LRP1B: variants seen among roughly 807,000 people sequenced by gnomAD.
The protein encoded by LRP1B is LDL receptor related protein 1B.
Under a neutral mutation model 556.6 loss-of-function variants are expected in LRP1B, and 217 were observed. That is an observed-to-expected ratio of 0.39 (90% CI 0.35 to 0.44). The LOEUF is 0.44. Ranked by LOEUF, LRP1B falls within the 20% of genes least tolerant of loss-of-function variation. LRP1B has a pLI of 1.00. For missense variants in LRP1B, 5,053 were observed against 5,620.8 expected (o/e 0.90, Z 3.23); for synonymous variants, 2,047 against 1,865.8 (o/e 1.10, Z -2.50).
At chr2:140,652,232 T>C (rs769134289) in intron 41 of LRP1B, among the ~76,000 whole-genome samples, 2 of 151,986 alleles carry the variant, frequency 1.3e-5, no homozygotes, top group Non-Finnish European at 2.9e-5. Flanking sequence ...TTTTCAAATA[T>C]TGAATTCTTG....
intron 83 of LRP1B, among the ~76,000 whole-genome samples, chr2:140,300,075 T>C (rs919234042): frequency 8.5e-5 from 13 of 152,090 alleles, no homozygotes; most frequent in African/African-American, 2.9e-4. Context: ...ACACTGAGCT[T>C]TCATGGTTTT....
rs186922226 is a variant in LRP1B, at chr2:140,587,628, C to T, written c.7194+11003G>A. On this transcript the variant is annotated intron_variant, in intron 43 of 90. Transcript: ENST00000389484. The stretch of plus-strand genomic sequence containing the variant: ...AAGGATACAAATTTCCAGTTAGACA[C>T]GAGAAATTAACTTTGGAGATAAATA... 6.2e-4 allele frequency among the ~76,000 whole-genome samples: 95 copies of T among 152,034 alleles called. 1 individual carries two copies. The highest frequency in any genetic ancestry group is 2.1e-3 in the African/African-American group (87 of 41,458).
chr2:140,769,565 A>C (rs1159037519), intron 34 of LRP1B, among the ~76,000 whole-genome samples: 1 of 151,994 alleles, frequency 6.6e-6, no homozygotes, highest in African/African-American at 2.4e-5. Flanking sequence ...TTGTTAAAAT[A>C]GGAATTTATT....
intron 7 of LRP1B, among the ~76,000 whole-genome samples, chr2:141,139,200 G>T (rs955078641): frequency 1.3e-5 from 2 of 151,612 alleles, no homozygotes; most frequent in Non-Finnish European, 3.0e-5. Context: ...AACTCGATAT[G>T]AATCCTCTAA....
rs16844915 is a variant in LRP1B, at chr2:140,884,290, C to A, written c.3965-269G>T. On this transcript the variant is annotated intron_variant, in intron 24 of 90. Coordinates refer to ENST00000389484, the MANE Select transcript of LRP1B (RefSeq NM_018557.3). ...TAAGCAGCTCTGAGGCTAATAACAA[C>A]GTTGAGGTTGCAAAAAAAAAGTTAT... 0.054 allele frequency among the ~76,000 whole-genome samples: 8,235 copies of A among 151,600 alleles called. 232 individuals are homozygous for A. The highest frequency in any genetic ancestry group is 0.1 in the East Asian group (529 of 5,170).
intron 1 of LRP1B, among the ~76,000 whole-genome samples, chr2:141,865,346 A>G (rs1399966303): frequency 6.6e-6 from 1 of 151,950 alleles, no homozygotes; most frequent in Non-Finnish European, 1.5e-5. Context: ...TAATCCCAGC[A>G]CTTTGGGAGG....
At chr2:140,318,626 C>T (rs1243737502) in intron 82 of LRP1B, among the ~76,000 whole-genome samples, 1 of 147,782 alleles carries the variant, frequency 6.8e-6, no homozygotes, top group Non-Finnish European at 1.5e-5. Flanking sequence ...CTAGAATTTC[C>T]AATAACTCTG....
Position 142,130,738 on chromosome 2 carries a change from C to A in LRP1B, c.-9G>T. 1 of 1,607,846 alleles carries A rather than the reference C, an allele frequency of 6.2e-7. No homozygotes were observed. Among genetic ancestry groups the A allele is most frequent in the East Asian group, 2.3e-5 (1 of 44,384 alleles). On this transcript the variant is annotated 5_prime_UTR_variant, in exon 1 of 91. Transcript: ENST00000389484. Reference sequence around the variant, plus strand: ...AGGAGAAACTCGGACATTGTGGTCGCCCGGTAAGGAAGCCTGCGCTGGAGA... The same window carrying A: ...AGGAGAAACTCGGACATTGTGGTCGACCGGTAAGGAAGCCTGCGCTGGAGA...
intron 2 of LRP1B, among the ~76,000 whole-genome samples, chr2:141,558,817 A>G (rs900904075): frequency 3.3e-5 from 5 of 151,838 alleles, no homozygotes; most frequent in Admixed American, 2.6e-4. Flanking sequence ...GTAAGATCAC[A>G]ATAACAAAAA....
rs749820501 is a variant in LRP1B, at chr2:140,350,941, A to G, written c.11748T>C (p.His3916=). The part of the protein sequence containing the change: ...NYSGDHQQIS[H]IEHNSRITGM... ...CTGTTATTCTTGAATTATGTTCAAT[A>G]TGAGAAATTTGTTGATGATCGCCAC... The change falls in exon 77 of 91, where the codon CAT becomes CAC. Residue 3916 remains histidine (H), a synonymous_variant. Transcript: ENST00000389484. 1 of 1,610,978 alleles carries G rather than the reference A, an allele frequency of 6.2e-7. No homozygotes were observed. Among genetic ancestry groups the G allele is most frequent in the Non-Finnish European group, 8.5e-7 (1 of 1,177,756 alleles).
chr2:141,014,843 A>G (rs1236811977), intron 13 of LRP1B, among the ~76,000 whole-genome samples: 1 of 152,118 alleles, frequency 6.6e-6, no homozygotes, highest in African/African-American at 2.4e-5. Flanking sequence ...ACTTATTTGG[A>G]GAAAATATTT....
At position 141,365,655 on chromosome 2, in the gene LRP1B, C is replaced by CTTTTTTTTTTTTTTTTTGG. The variant is rs781538829; in HGVS notation, c.344-111015_344-111014insCCAAAAAAAAAAAAAAAAA. Among the ~76,000 whole-genome samples, 22 of 121,128 alleles carry CTTTTTTTTTTTTTTTTTGG rather than the reference C, an allele frequency of 1.8e-4. 1 individual carries two copies. The highest frequency in any genetic ancestry group is 6.6e-4 in the African/African-American group (21 of 31,730). The allele number at this position is 121,128 out of a possible 152,430, so 79.5% of individuals were successfully genotyped here. ...TTTTTGTTTTGGTTTGTTTTTGTTG[C>CTTTTTTTTTTTTTTTTTGG]TTTTTTTTTTTTTTTGAGACAGAGT... is the stretch of plus-strand genomic sequence containing the variant. On this transcript the variant is annotated intron_variant, in intron 3 of 90. Coordinates refer to ENST00000389484, the MANE Select transcript of LRP1B (RefSeq NM_018557.3).
At chr2:141,479,608 C>T (rs997514097) in intron 3 of LRP1B, among the ~76,000 whole-genome samples, 4 of 152,148 alleles carry the variant, frequency 2.6e-5, no homozygotes, top group African/African-American at 9.7e-5. Context: ...GAGTTAAAGA[C>T]TTCCAGTACA....
intron 7 of LRP1B, among the ~76,000 whole-genome samples, chr2:141,113,209 G>A (rs185356623): frequency 6.6e-6 from 1 of 152,056 alleles, no homozygotes; most frequent in African/African-American, 2.4e-5. Flanking sequence ...AGAAATTGCT[G>A]GCAAGAAAAA....
chr2:141,784,569 T>C (rs1205942930), intron 2 of LRP1B, among the ~76,000 whole-genome samples: 1 of 151,922 alleles, frequency 6.6e-6, no homozygotes, highest in Non-Finnish European at 1.5e-5. Context: ...AAAGCCTGTA[T>C]CTAACCACTC....
At chr2:142,022,377 A>AC (rs1294114889) in intron 1 of LRP1B, among the ~76,000 whole-genome samples, 1 of 150,422 alleles carries the variant, frequency 6.6e-6, no homozygotes. Flanking sequence ...AATTTGAAAC[A>AC]CTTTATTATT....
At chr2:142,007,446 GA>G (rs1702836096) in intron 1 of LRP1B, among the ~76,000 whole-genome samples, 1 of 152,146 alleles carries the variant, frequency 6.6e-6, no homozygotes, top group African/African-American at 2.4e-5. Flanking sequence ...CTGACATAGA[GA>G]AAAGGGCTTC....
chr2:140,653,668 TTA>T (rs965985915), intron 41 of LRP1B, among the ~76,000 whole-genome samples: 1 of 151,946 alleles, frequency 6.6e-6, no homozygotes, highest in Non-Finnish European at 1.5e-5. Flanking sequence ...TAGGGGTAAT[TTA>T]TATGTTATTT....
intron 41 of LRP1B, among the ~76,000 whole-genome samples, chr2:140,628,550 A>AAC (rs1683760488): frequency 6.6e-6 from 1 of 151,676 alleles, no homozygotes; most frequent in South Asian, 2.1e-4. Context: ...AAAAAAAAAA[A>AAC]AATTATGTCT....
Sources: allele counts gnomAD v4.1 joint callset (sites outside exome capture counted in the v4.1 genomes callset), GRCh38; gene constraint gnomAD v4.1.1; transcripts MANE v1.5; gene names NCBI Gene and HGNC (gene_info 2026-07-23, HGNC 2026-07-21).